Variants in TYK2 observed in about 807,000 individuals in gnomAD.
TYK2 encodes non-receptor tyrosine-protein kinase TYK2.
Under a neutral mutation model 130.9 loss-of-function variants are expected in TYK2, and 65 were observed. The observed-to-expected ratio is 0.50, with a 90% CI of 0.41 to 0.61. TYK2 has a LOEUF of 0.61. Among genes scored for constraint, TYK2 ranks in the 20% least tolerant of loss-of-function variants. The probability of loss-of-function intolerance (pLI) is 0.00; values close to 1 mark genes in which losing one functional copy is unlikely to be tolerated. For missense variants in TYK2, 1,378 were observed against 1,610.7 expected (o/e 0.86, Z 2.47); for synonymous variants, 647 against 658.9 (o/e 0.98, Z 0.28).
intron 3 of TYK2, among the ~76,000 whole-genome samples, chr19:10,374,244 C>T (rs12720345): frequency 0.059 from 8,671 of 146,234 alleles, 303 homozygotes; most frequent in Middle Eastern, 0.085. Flanking sequence ...CCAGCCTGGG[C>T]GACAGAGCGA....
Position 10,368,299 on chromosome 19 carries a change from T to C in TYK2, c.313A>G (p.Ile105Val), listed in dbSNP as rs1029569489. ...RDASLMLYFRIRFYFRNWHGM... is the reference protein window; with the variant it reads ...RDASLMLYFRVRFYFRNWHGM... Reference sequence around the variant, plus strand: ...TTTGCAAAGGTCTCCACCCACCTTATGCGGAAATATAGCATCAGGCTTGCA... The same window carrying C: ...TTTGCAAAGGTCTCCACCCACCTTACGCGGAAATATAGCATCAGGCTTGCA... Residue 105 changes from isoleucine (I) to valine (V), a missense_variant, in exon 4 of 25, where the codon ATA (isoleucine) becomes GTA (valine). Ile to Val is a conservative substitution (Grantham distance 29). Coordinates refer to ENST00000525621, the MANE Select transcript of TYK2 (RefSeq NM_003331.5). The C allele has an allele frequency of 5.0e-6, 8 of 1,614,006 alleles. No homozygotes were observed. Among genetic ancestry groups the C allele is most frequent in the South Asian group, 1.1e-5 (1 of 91,086 alleles).
chr19:10,352,578 CG>C, intron 22 of TYK2, 27 bp from the exon 23 acceptor site: 1 of 1,114,766 alleles, frequency 9.0e-7, no homozygotes, highest in Admixed American at 2.1e-5. Context: ...ACTCAGGCCA[CG>C]GGGGGCTGCA....
intron 18 of TYK2, among the ~76,000 whole-genome samples, chr19:10,355,133 AAG>A (rs760704205): frequency 6.6e-6 from 1 of 151,508 alleles, no homozygotes; most frequent in Non-Finnish European, 1.5e-5. Flanking sequence ...TCATAGAGAA[AAG>A]AGAAAAACTG....
At chr19:10,375,841 C>T (rs968653346) in intron 3 of TYK2, among the ~76,000 whole-genome samples, 15 of 150,300 alleles carry the variant, frequency 1.0e-4, no homozygotes, top group African/African-American at 1.9e-4. Context: ...GCCGGAGAAT[C>T]GCTTGAACCC....
At chr19:10,377,576 G>GTGGATGGA (rs1269480432) in intron 3 of TYK2, among the ~76,000 whole-genome samples, 1 of 51,162 alleles carries the variant, frequency 2.0e-5, no homozygotes, top group Non-Finnish European at 3.9e-5. Context: ...GGGTGGGTGG[G>GTGGATGGA]TGGATGGATG....
Position 10,351,150 on chromosome 19 carries a change from G to C in TYK2, c.3331C>G (p.Leu1111Val). The change falls in exon 24 of 25, where the codon CTC becomes GTC. Residue 1111 changes from leucine (L) to valine (V), a missense_variant. Coordinates refer to ENST00000525621, the MANE Select transcript of TYK2 (RefSeq NM_003331.5). ...ATCTGACCCTGAGCAATGCCTATGA[G>C]CTCAAGGAATTTCTACAGTATAAAC... ...SQSPPTKFLELIGIAQGQMTV... is the reference protein window; with the variant it reads ...SQSPPTKFLEVIGIAQGQMTV... The C allele has an allele frequency of 6.2e-7, 1 of 1,613,882 alleles. No homozygotes were observed. Among genetic ancestry groups the C allele is most frequent in the African/African-American group, 1.3e-5 (1 of 75,034 alleles).
rs770531180 is a variant in TYK2, at chr19:10,358,294, G to GTTTTTTTT, written c.2176-164_2176-157dup. ...TTTTTTGGGGGGTTATTTTTTTCTTGTTTTTTTTTTTTTTTTTTTTTTTTA... is the reference window on the plus strand; with the variant it reads ...TTTTTTGGGGGGTTATTTTTTTCTTGTTTTTTTTTTTTTTTTTTTTTTTTTTTTTTTTA... On this transcript the variant is annotated intron_variant, in intron 15 of 24. Coordinates refer to ENST00000525621, the MANE Select transcript of TYK2 (RefSeq NM_003331.5). Among the ~76,000 whole-genome samples the GTTTTTTTT allele has an allele frequency of 4.4e-4, 40 of 91,388 alleles. 2 individuals carry two copies. Among genetic ancestry groups the GTTTTTTTT allele is most frequent in the African/African-American group, 1.7e-3 (38 of 22,852 alleles). The allele number at this position is 91,388 out of a possible 152,430, so 60.0% of individuals were successfully genotyped here. A position where few individuals can be genotyped will look rare whatever the true frequency, so the allele number is the denominator to read the frequency against.
Position 10,356,606 on chromosome 19 carries a change from C to A in TYK2, c.2579G>T (p.Arg860Leu), listed in dbSNP as rs766486735. ...TYEPTQRPSF[R>L]TILRDLTRLQ... is the part of the protein sequence containing the mutation. ...CCGGGTGAGGTCACGCAGGATGGTG[C>A]GGAATGATGGCCTCTGGGTTGGCTC... The change falls in exon 18 of 25, where the codon CGC becomes CTC. Residue 860 changes from arginine to leucine, a missense_variant. Arg to Leu is a moderately radical substitution (Grantham distance 102). Transcript: ENST00000525621. 48 of 1,613,520 alleles carry A rather than the reference C, an allele frequency of 3.0e-5. No individual in the cohort carries two copies. The highest frequency in any genetic ancestry group is 4.0e-5 in the African/African-American group (3 of 74,874).
At chr19:10,354,736 G>C (rs2041000571) in intron 18 of TYK2, 127 bp from the exon 19 acceptor site, 2 of 756,840 alleles carry the variant, frequency 2.6e-6, no homozygotes, top group East Asian at 2.6e-5. Flanking sequence ...ACTTTTTCCT[G>C]CAACAGCTGA....
chr19:10,375,115 G>A (rs1030871212), intron 3 of TYK2, among the ~76,000 whole-genome samples: 4 of 151,270 alleles, frequency 2.6e-5, no homozygotes, highest in Admixed American at 6.6e-5. Flanking sequence ...GCTGCAATGC[G>A]TCATGATTGC....
Position 10,353,863 on chromosome 19 carries a change from AC to A in TYK2, c.2908+178del, listed in dbSNP as rs2040940526. The A allele has an allele frequency of 1.1e-5, 8 of 747,560 alleles. No individual in the cohort carries two copies. The highest frequency in any genetic ancestry group is 1.7e-5 in the South Asian group (1 of 58,560). 46.3% of individuals were successfully genotyped at this position (747,560 alleles called of 1,614,324 possible). ...GTCCATCCTGGCCCCAGCAGGTAGCACCCCCCAGATGGGAAGGAGGCAGCCC... is the reference window on the plus strand; with the variant it reads ...GTCCATCCTGGCCCCAGCAGGTAGCACCCCCAGATGGGAAGGAGGCAGCCC... On this transcript the variant is annotated intron_variant, in intron 20 of 24. Coordinates refer to ENST00000525621, the MANE Select transcript of TYK2 (RefSeq NM_003331.5). The surrounding 1 kb of genome is among the most constrained non-coding windows in gnomAD (Gnocchi z 6.9).
rs1230251303 is a variant in TYK2, at chr19:10,353,521, G to T, written c.3027+7C>A. Reference sequence around the variant, plus strand: ...AAGCTCCAGAAGCAGGGGCGGGGCCGACCAACCTCGCAGATCTGCTGGGCG... The same window carrying T: ...AAGCTCCAGAAGCAGGGGCGGGGCCTACCAACCTCGCAGATCTGCTGGGCG... On this transcript the variant is annotated splice_region_variant and intron_variant, in intron 21 of 24. Transcript: ENST00000525621. This position sits in a 1 kb window ranked among gnomAD's most constrained non-coding sequence, Gnocchi z 6.9. 6.7e-7 allele frequency: 1 copy of T among 1,496,348 alleles called. No homozygotes were observed. Among genetic ancestry groups the T allele is most frequent in the East Asian group, 2.4e-5 (1 of 41,362 alleles). The allele number at this position is 1,496,348 out of a possible 1,614,324, so 92.7% of individuals were successfully genotyped here. A position where few individuals can be genotyped will look rare whatever the true frequency, so the allele number is the denominator to read the frequency against.
Position 10,362,728 on chromosome 19 carries a change from A to C in TYK2, c.1368-71T>G, listed in dbSNP as rs965091550. 4 of 1,300,256 alleles carry C rather than the reference A, an allele frequency of 3.1e-6. No individual in the cohort carries two copies. In the African/African-American group the frequency reaches 4.4e-5, roughly 14 times the overall value. 80.5% of individuals were successfully genotyped at this position (1,300,256 alleles called of 1,614,324 possible). On this transcript the variant is annotated intron_variant, in intron 9 of 24. Coordinates refer to ENST00000525621, the MANE Select transcript of TYK2 (RefSeq NM_003331.5). The stretch of plus-strand genomic sequence containing the variant: ...TGGACCCATACCCGGGAACAATGAC[A>C]CTCATTACCTACTTAGAGGGCACAC...
chr19:10,366,412 G>C lies in TYK2; in HGVS notation c.629+5C>G. 2.5e-6 allele frequency: 4 copies of C among 1,612,244 alleles called. No individual in the cohort carries two copies. Among genetic ancestry groups the C allele is most frequent in the Non-Finnish European group, 3.4e-6 (4 of 1,178,488 alleles). ...ACACAGCGTCCCCACCCCATTCCCA[G>C]ACACCTGGTCTTCTTGGCCACCTCC... On this transcript the variant is annotated splice_donor_5th_base_variant and intron_variant, in intron 6 of 24. Coordinates refer to ENST00000525621, the MANE Select transcript of TYK2 (RefSeq NM_003331.5).
At chr19:10,380,087 G>A (rs1197066841) in intron 1 of TYK2, among the ~76,000 whole-genome samples, 1 of 152,206 alleles carries the variant, frequency 6.6e-6, no homozygotes, top group African/African-American at 2.4e-5. Flanking sequence ...TACCTCAAAA[G>A]GCTGCTGGGA....
intron 6 of TYK2, 53 bp from the exon 7 acceptor site, chr19:10,365,951 C>G: frequency 1.3e-6 from 2 of 1,533,782 alleles, no homozygotes; most frequent in South Asian, 2.5e-5. Context: ...GCAGGCCCAG[C>G]TGGGTGACAC....
rs12720327 is a variant in TYK2, at chr19:10,352,121, G to C, written c.3318+313C>G. Among the ~76,000 whole-genome samples the C allele has an allele frequency of 2.4e-3, 358 of 151,538 alleles. 3 individuals carry two copies. Among genetic ancestry groups the C allele is most frequent in the African/African-American group, 8.3e-3 (344 of 41,250 alleles). On this transcript the variant is annotated intron_variant, in intron 23 of 24. Coordinates refer to ENST00000525621, the MANE Select transcript of TYK2 (RefSeq NM_003331.5). ...GGAGTCTCGCTCTGTCACCCAGCTG[G>C]AGTGCAGTCGGGAGATCTCGGCTCA...
rs2040945769 is a variant in TYK2 at position 10,353,953 on chromosome 19, G to GC, written c.2908+88dup. 9.4e-6 allele frequency: 13 copies of GC among 1,382,684 alleles called. No homozygotes were observed. The highest frequency in any genetic ancestry group is 1.2e-5 in the Non-Finnish European group (12 of 982,854). The allele number at this position is 1,382,684 out of a possible 1,614,324, so 85.7% of individuals were successfully genotyped here. On this transcript the variant is annotated intron_variant, in intron 20 of 24. Transcript: ENST00000525621. This position sits in a 1 kb window ranked among gnomAD's most constrained non-coding sequence, Gnocchi z 6.9. ...GCCTGGGGTTGAGAGTCTCTAATTG[G>GC]CTAGGCCAGACTGGCCCCGCCCACA...
chr19:10,361,089 A>C lies in TYK2; in HGVS notation c.2047+422T>G. ...TTTGAGCTACCTGCAGAGGAAAGGA[A>C]GAGGTGGGGTTAGGCAGGGTTGGAT... is the stretch of plus-strand genomic sequence containing the variant. On this transcript the variant is annotated intron_variant, in intron 14 of 24. Coordinates refer to ENST00000525621, the MANE Select transcript of TYK2 (RefSeq NM_003331.5). This position sits in a 1 kb window ranked among gnomAD's most constrained non-coding sequence, Gnocchi z 4.0. 2 of 474,550 alleles carry C rather than the reference A, an allele frequency of 4.2e-6. No homozygotes were observed. The highest frequency in any genetic ancestry group is 4.2e-6 in the Non-Finnish European group (1 of 240,118). The allele number at this position is 474,550 out of a possible 1,614,324, so 29.4% of individuals were successfully genotyped here. A position where few individuals can be genotyped will look rare whatever the true frequency, so the allele number is the denominator to read the frequency against.
Sources: gnomAD v4.1 joint callset for allele counts (sites outside exome capture counted in the v4.1 genomes callset) on GRCh38, gnomAD v4.1.1 for gene constraint, Gnocchi (gnomAD v3.1) non-coding constraint, MANE v1.5 for transcripts, NCBI Gene and HGNC (gene_info 2026-07-23, HGNC 2026-07-21) for gene names.